Variants in MAN1A2 observed in about 807,000 individuals in gnomAD.
MAN1A2 encodes mannosyl-oligosaccharide 1,2-alpha-mannosidase IB.
A neutral mutation model predicts 75.7 loss-of-function variants in MAN1A2; 26 were observed. The observed-to-expected ratio is 0.34, with a 90% CI of 0.25 to 0.48. The LOEUF is 0.48. Ranked by LOEUF, MAN1A2 falls within the 20% of genes least tolerant of loss-of-function variation. The pLI, the probability that MAN1A2 is intolerant of heterozygous loss-of-function variation, is 0.99. For missense variants in MAN1A2, 562 were observed against 775.5 expected, an observed-to-expected ratio of 0.72 and a Z score of 3.27; for synonymous variants, 247 against 264.6, an observed-to-expected ratio of 0.93 and a Z score of 0.65.
chr1:117,419,387 A>T (rs1257843203), intron 4 of MAN1A2, among the ~76,000 whole-genome samples: 2 of 152,030 alleles, frequency 1.3e-5, no homozygotes, highest in Non-Finnish European at 2.9e-5. Context: ...CCTCATATTT[A>T]GTCAATGTCT....
At chr1:117,459,873 AGT>A (rs1649759718) in intron 6 of MAN1A2, among the ~76,000 whole-genome samples, 1 of 152,170 alleles carries the variant, frequency 6.6e-6, no homozygotes, top group Non-Finnish European at 1.5e-5. Flanking sequence ...GGTGCAAGCC[AGT>A]TCTTTATTGT....
chr1:117,478,770 T>C (rs1194142491), intron 8 of MAN1A2, among the ~76,000 whole-genome samples: 4 of 152,000 alleles, frequency 2.6e-5, no homozygotes, highest in Admixed American at 1.3e-4. Flanking sequence ...TTATTAAATC[T>C]ACACAATCAA....
intron 8 of MAN1A2, among the ~76,000 whole-genome samples, chr1:117,468,240 T>C (rs551153251): frequency 1.2e-4 from 18 of 152,188 alleles, no homozygotes; most frequent in African/African-American, 3.9e-4. Context: ...AAAAGCCCCT[T>C]ATAAAACCAT....
intron 1 of MAN1A2, among the ~76,000 whole-genome samples, chr1:117,394,749 G>T (rs780061109): frequency 4.4e-4 from 67 of 152,174 alleles, no homozygotes; most frequent in Non-Finnish European, 5.7e-4. Flanking sequence ...AACAGTGGTG[G>T]ATAGAAGAGT....
At chr1:117,425,903 TG>T (rs11362198) in intron 5 of MAN1A2, among the ~76,000 whole-genome samples, 2,271 of 152,302 alleles carry the variant, frequency 0.015, 65 homozygotes, top group African/African-American at 0.052. Flanking sequence ...CAGTCATTTT[TG>T]TTGGTCTTTT....
chr1:117,481,628 A>G (rs11584900), intron 8 of MAN1A2, among the ~76,000 whole-genome samples: 2,142 of 152,048 alleles, frequency 0.014, 34 homozygotes, highest in Non-Finnish European at 0.018. Flanking sequence ...GTAGATGACA[A>G]GTTGGCTGAA....
Position 117,398,754 on chromosome 1 carries a change from GAGAT to G in MAN1A2, c.303-3424_303-3421del, listed in dbSNP as rs1241305723. Reference sequence around the variant, plus strand: ...GGAGTATGTATGAGATGAAGCTTGAGAGATAGATAGAAGCTACATTATACAGAAT... The same window carrying G: ...GGAGTATGTATGAGATGAAGCTTGAGAGATAGAAGCTACATTATACAGAAT... On this transcript the variant is annotated intron_variant, in intron 1 of 12. Transcript: ENST00000356554. 2.0e-5 allele frequency among the ~76,000 whole-genome samples: 3 copies of G among 152,166 alleles called. No homozygotes were observed. In the South Asian group the frequency reaches 6.2e-4, roughly 32 times the overall value.
chr1:117,472,144 G>A (rs546714352), intron 8 of MAN1A2, among the ~76,000 whole-genome samples: 2 of 151,666 alleles, frequency 1.3e-5, no homozygotes, highest in East Asian at 3.9e-4. Context: ...TGAAATATTC[G>A]TTTCCCCATT....
At chr1:117,469,031 T>C (rs1189583190) in intron 8 of MAN1A2, among the ~76,000 whole-genome samples, 2 of 152,092 alleles carry the variant, frequency 1.3e-5, no homozygotes, top group African/African-American at 4.8e-5. Context: ...AGTTTGAGAA[T>C]TGCCAGCCTT....
intron 5 of MAN1A2, among the ~76,000 whole-genome samples, chr1:117,434,232 T>C (rs1192936915): frequency 1.3e-5 from 2 of 152,206 alleles, no homozygotes; most frequent in Non-Finnish European, 2.9e-5. Flanking sequence ...CGATTTTCTG[T>C]CTGTAATAGT....
intron 1 of MAN1A2, among the ~76,000 whole-genome samples, chr1:117,394,324 C>T (rs1255043985): frequency 1.3e-5 from 2 of 152,194 alleles, no homozygotes; most frequent in Admixed American, 6.5e-5. Context: ...CCTCGTGATC[C>T]GCCCGCCTCG....
chr1:117,481,771 G>A (rs1650506370), intron 8 of MAN1A2, among the ~76,000 whole-genome samples: 1 of 151,914 alleles, frequency 6.6e-6, no homozygotes, highest in South Asian at 2.1e-4. Context: ...GCTTCTTGAG[G>A]CTTAGGATTG....
At chr1:117,485,643 C>T (rs1195326892) in intron 8 of MAN1A2, among the ~76,000 whole-genome samples, 2 of 151,932 alleles carry the variant, frequency 1.3e-5, no homozygotes, top group Non-Finnish European at 2.9e-5. Flanking sequence ...TATTCAAGGT[C>T]GTTATGTGGA....
intron 8 of MAN1A2, among the ~76,000 whole-genome samples, chr1:117,473,769 C>T (rs1208262992): frequency 6.6e-6 from 1 of 151,948 alleles, no homozygotes; most frequent in Non-Finnish European, 1.5e-5. Flanking sequence ...TCCCTGGTCA[C>T]CTTACGTGAT....
At chr1:117,416,501 G>A (rs1195503858) in intron 4 of MAN1A2, among the ~76,000 whole-genome samples, 1 of 152,102 alleles carries the variant, frequency 6.6e-6, no homozygotes, top group Non-Finnish European at 1.5e-5. Flanking sequence ...TTCATTGACA[G>A]GACAGCTTTA....
At chr1:117,505,598 C>T (rs1651334545) in intron 12 of MAN1A2, among the ~76,000 whole-genome samples, 1 of 151,064 alleles carries the variant, frequency 6.6e-6, no homozygotes, top group Non-Finnish European at 1.5e-5. Context: ...TATAACATCA[C>T]CTAGGCTAAG....
At chr1:117,516,683 T>C (rs921664131) in intron 12 of MAN1A2, among the ~76,000 whole-genome samples, 1 of 151,982 alleles carries the variant, frequency 6.6e-6, no homozygotes, top group African/African-American at 2.4e-5. Context: ...AGGAAACAAA[T>C]GAAGTAAGCC....
Position 117,460,476 on chromosome 1 carries a change from C to A in MAN1A2, c.951-13C>A, listed in dbSNP as rs779213242. ...CAATCCTGTGTCTCCTTTTACTTTT[C>A]CTTTTCATTCAGTGGAGTAGGGCGA... On this transcript the variant is annotated splice_polypyrimidine_tract_variant and intron_variant, in intron 6 of 12. Transcript: ENST00000356554. The A allele has an allele frequency of 1.9e-6, 3 of 1,595,272 alleles. No homozygotes were observed. The highest frequency in any genetic ancestry group is 2.3e-5 in the South Asian group (2 of 87,092).
chr1:117,419,507 T>C (rs1463952456), intron 4 of MAN1A2, among the ~76,000 whole-genome samples: 1 of 152,154 alleles, frequency 6.6e-6, no homozygotes, highest in Non-Finnish European at 1.5e-5. Flanking sequence ...AATTACATTA[T>C]ATTGTAAAAA....
Sources: allele counts gnomAD v4.1 joint callset (sites outside exome capture counted in the v4.1 genomes callset), GRCh38; gene constraint gnomAD v4.1.1; transcripts MANE v1.5; gene names NCBI Gene and HGNC (gene_info 2026-07-23, HGNC 2026-07-21).